The following CYP4X1 variants were observed in gnomAD, a reference collection of about 807,000 sequenced individuals.
CYP4X1 encodes cytochrome P450 4X1.
CYP4X1 carries 44 observed loss-of-function variants against 57.9 expected under a neutral mutation model. That is an observed-to-expected ratio of 0.76 (90% confidence interval 0.60 to 0.98). The LOEUF (loss-of-function observed/expected upper bound fraction) is 0.98, where lower values mean the gene tolerates loss of function less well. Ranked by LOEUF, CYP4X1 falls within the 50% of genes least tolerant of loss-of-function variation. CYP4X1 has a pLI of 0.00. For synonymous variants in CYP4X1, 227 were observed against 228.6 expected (o/e 0.99, Z 0.06); for missense variants, 532 against 623.9 (o/e 0.85, Z 1.57).
downstream of CYP4X1, among the ~76,000 whole-genome samples, chr1:47,051,142 A>G (rs534985382): frequency 2.6e-5 from 4 of 152,352 alleles, no homozygotes; most frequent in African/African-American, 9.6e-5. Flanking sequence ...GCCTATCGTC[A>G]CTGGCCATCA....
rs188524874 is a variant in CYP4X1, at chr1:47,037,422, C to A, written c.776-1238C>A. ...GAGTAGCTGGGATTACAGGCACTGC[C>A]ACCACACCTGGCTAATTTTTTTAAA... On this transcript the variant is annotated intron_variant, in intron 6 of 11. Coordinates refer to ENST00000371901, the MANE Select transcript of CYP4X1 (RefSeq NM_178033.2). Among the ~76,000 whole-genome samples, 363 of 151,750 alleles carry A rather than the reference C, an allele frequency of 2.4e-3. 6 individuals carry two copies. The highest frequency in any genetic ancestry group is 8.4e-3 in the African/African-American group (347 of 41,376).
the CYP4X1 span, among the ~76,000 whole-genome samples, chr1:46,964,429 C>T: frequency 3.4e-4 from 52 of 152,166 alleles, no homozygotes; most frequent in African/African-American, 1.2e-3. Context: ...GTGTGGATGT[C>T]CTTTCTGTTT....
the CYP4X1 span, among the ~76,000 whole-genome samples, chr1:46,991,216 A>G: frequency 6.6e-6 from 1 of 152,094 alleles, no homozygotes; most frequent in African/African-American, 2.4e-5. Flanking sequence ...AGAAGGCCTC[A>G]TTTCTGTTAA....
chr1:47,016,890 A>T, the CYP4X1 span, among the ~76,000 whole-genome samples: 7 of 152,008 alleles, frequency 4.6e-5, no homozygotes, highest in South Asian at 1.5e-3. Context: ...TTATCCTTCT[A>T]TTCTCTATCT....
chr1:47,041,062 T>A (rs1276734714), intron 8 of CYP4X1, among the ~76,000 whole-genome samples: 1 of 152,176 alleles, frequency 6.6e-6, no homozygotes, highest in African/African-American at 2.4e-5. Flanking sequence ...GTGCCTGGCT[T>A]ATTTCACTTA....
the CYP4X1 span, among the ~76,000 whole-genome samples, chr1:46,979,779 A>G: frequency 6.6e-6 from 1 of 152,198 alleles, no homozygotes; most frequent in Admixed American, 6.5e-5. Context: ...CTTATCCACC[A>G]AGATGAAGTT....
At chr1:46,964,754 T>C in the CYP4X1 span, among the ~76,000 whole-genome samples, 1 of 152,192 alleles carries the variant, frequency 6.6e-6, no homozygotes, top group Non-Finnish European at 1.5e-5. Flanking sequence ...GAACCACTAC[T>C]CTCTTCAAAG....
chr1:46,999,187 T>C, the CYP4X1 span, among the ~76,000 whole-genome samples: 1 of 152,130 alleles, frequency 6.6e-6, no homozygotes, highest in Non-Finnish European at 1.5e-5. Flanking sequence ...TATTTGGCTG[T>C]AACCCATCTG....
At position 47,048,875 on chromosome 1, in the gene CYP4X1, A is replaced by G. The variant is rs74076312; in HGVS notation, c.1272+246A>G. Among the ~76,000 whole-genome samples, 6,308 of 152,340 alleles carry G rather than the reference A, an allele frequency of 0.041. 424 individuals are homozygous for G. Among genetic ancestry groups the G allele is most frequent in the African/African-American group, 0.14 (5,751 of 41,558 alleles). ...TCTATTACTTGTAACAGGAAGCTGG[A>G]GTATATGTCTCTGTAATAATTGGCC... On this transcript the variant is annotated intron_variant, in intron 10 of 11. Coordinates refer to ENST00000371901, the MANE Select transcript of CYP4X1 (RefSeq NM_178033.2).
In CYP4X1 at chr1:47,036,113, A is replaced by G; in HGVS notation, c.717A>G (p.Lys239=). ...SLLYHSDIIF[K]LSPQGYRFQK... is the part of the protein sequence containing the mutation. ...TGTATCACAGTGACATAATTTTCAA[A>G]CTCAGCCCTCAGGGCTACCGCTTCC... The change falls in exon 6 of 12, where the codon AAA becomes AAG. Residue 239 remains lysine, a synonymous_variant. Coordinates refer to ENST00000371901, the MANE Select transcript of CYP4X1 (RefSeq NM_178033.2). 5 of 1,613,630 alleles carry G rather than the reference A, an allele frequency of 3.1e-6. No individual in the cohort carries two copies. The highest frequency in any genetic ancestry group is 4.2e-6 in the Non-Finnish European group (5 of 1,179,770).
At chr1:47,025,645 T>C (rs553760854) in intron 1 of CYP4X1, among the ~76,000 whole-genome samples, 1 of 152,346 alleles carries the variant, frequency 6.6e-6, no homozygotes, top group African/African-American at 2.4e-5. Context: ...CCCCACAGTA[T>C]TGTTAACTTC....
intron 1 of CYP4X1, among the ~76,000 whole-genome samples, chr1:47,028,038 T>C (rs149159982): frequency 6.8e-4 from 103 of 152,356 alleles, no homozygotes; most frequent in African/African-American, 2.4e-3. Flanking sequence ...CTTTGTTGAA[T>C]GCATAAATAT....
At chr1:47,012,345 G>T in the CYP4X1 span, among the ~76,000 whole-genome samples, 1 of 152,152 alleles carries the variant, frequency 6.6e-6, no homozygotes, top group African/African-American at 2.4e-5. Context: ...GCTTATAGGT[G>T]GGAATTGAAC....
intron 1 of CYP4X1, among the ~76,000 whole-genome samples, chr1:47,026,905 C>CG (rs912791802): frequency 3.3e-5 from 5 of 150,510 alleles, no homozygotes; most frequent in Non-Finnish European, 6.0e-5. Flanking sequence ...TCAGTAGAGA[C>CG]GGGGTTTCAC....
chr1:46,994,195 C>T, the CYP4X1 span, among the ~76,000 whole-genome samples: 1 of 152,128 alleles, frequency 6.6e-6, no homozygotes, highest in Non-Finnish European at 1.5e-5. Context: ...GGAATCCTTT[C>T]CCCATTTCTT....
the CYP4X1 span, among the ~76,000 whole-genome samples, chr1:46,986,565 C>G: frequency 6.6e-6 from 1 of 151,862 alleles, no homozygotes; most frequent in Admixed American, 6.6e-5. Context: ...GAAGAGCACC[C>G]CCAAGACATA....
chr1:46,966,244 G>C, the CYP4X1 span, among the ~76,000 whole-genome samples: 1 of 152,162 alleles, frequency 6.6e-6, no homozygotes, highest in East Asian at 1.9e-4. Context: ...TTGGCTCGCC[G>C]GATTCAGCCC....
At chr1:47,022,588 C>A (rs1257517795), upstream of CYP4X1, among the ~76,000 whole-genome samples, 1 of 152,154 alleles carries the variant, frequency 6.6e-6, no homozygotes, top group Non-Finnish European at 1.5e-5. Context: ...CGCGCCCGGC[C>A]CCCTGGAGCC....
At chr1:47,048,194 A>G (rs1644323155) in intron 9 of CYP4X1, among the ~76,000 whole-genome samples, 2 of 152,182 alleles carry the variant, frequency 1.3e-5, no homozygotes, top group African/African-American at 4.8e-5. Flanking sequence ...GGTTACCGTG[A>G]GCAATGTTCA....
Sources: allele counts gnomAD v4.1 joint callset (sites outside exome capture counted in the v4.1 genomes callset), GRCh38; gene constraint gnomAD v4.1.1; transcripts MANE v1.5; gene names NCBI Gene and HGNC (gene_info 2026-07-23, HGNC 2026-07-21).